SUGCT: variants seen among roughly 807,000 people sequenced by gnomAD.
SUGCT encodes the protein succinyl-CoA:glutarate CoA-transferase.
In SUGCT, 41 loss-of-function variants were observed where a neutral mutation model predicts 55.0. The ratio of observed to expected loss-of-function variants is 0.74; its 90% CI spans 0.58 to 0.97. The LOEUF is 0.97. Among genes scored for constraint, SUGCT ranks in the 50% least tolerant of loss-of-function variants. SUGCT has a pLI of 0.00. For missense variants in SUGCT, 568 were observed against 547.8 expected, an observed-to-expected ratio of 1.04 and a Z score of -0.37; for synonymous variants, 187 against 200.4, an observed-to-expected ratio of 0.93 and a Z score of 0.56.
chr7:40,642,366 G>A (rs986984987), intron 12 of SUGCT, among the ~76,000 whole-genome samples: 1 of 152,148 alleles, frequency 6.6e-6, no homozygotes, highest in Non-Finnish European at 1.5e-5. Flanking sequence ...AAAGTGTTTG[G>A]CAGTTGGTAT....
chr7:40,357,248 T>A (rs1797922231), intron 9 of SUGCT, among the ~76,000 whole-genome samples: 4 of 152,230 alleles, frequency 2.6e-5, no homozygotes, highest in Admixed American at 2.6e-4. Context: ...AGTACCCAAT[T>A]TGGCAGTTAT....
chr7:40,942,520 T>A, the SUGCT span, among the ~76,000 whole-genome samples: 3 of 152,134 alleles, frequency 2.0e-5, no homozygotes, highest in African/African-American at 7.2e-5. Context: ...GTTTAGATAA[T>A]TTGATGACTA....
the SUGCT span, among the ~76,000 whole-genome samples, chr7:40,919,742 T>C: frequency 6.6e-6 from 1 of 152,220 alleles, no homozygotes; most frequent in Non-Finnish European, 1.5e-5. Flanking sequence ...TTTTAGATTG[T>C]TGCTAGAAGG....
intron 1 of SUGCT, among the ~76,000 whole-genome samples, chr7:40,148,362 TGGCCG>T (rs908928114): frequency 6.6e-6 from 1 of 152,144 alleles, no homozygotes; most frequent in African/African-American, 2.4e-5. Context: ...AGGTAAAACC[TGGCCG>T]GGCGCGGTGG....
At chr7:40,708,052 G>A (rs1785512814) in intron 12 of SUGCT, among the ~76,000 whole-genome samples, 1 of 152,170 alleles carries the variant, frequency 6.6e-6, no homozygotes, top group Non-Finnish European at 1.5e-5. Context: ...ATGAAATAGA[G>A]ATAAGTCATT....
intron 9 of SUGCT, among the ~76,000 whole-genome samples, chr7:40,389,058 A>C (rs1340281163): frequency 6.6e-6 from 1 of 152,180 alleles, no homozygotes; most frequent in Non-Finnish European, 1.5e-5. Flanking sequence ...TTCTCTTTGT[A>C]AGAAAGAGTA....
intron 12 of SUGCT, among the ~76,000 whole-genome samples, chr7:40,718,044 A>G (rs1171688029): frequency 2.0e-5 from 3 of 152,204 alleles, no homozygotes; most frequent in Non-Finnish European, 2.9e-5. Flanking sequence ...AGATTGACAC[A>G]GTAAAGGGAG....
At chr7:40,794,962 C>T (rs1464076071) in intron 13 of SUGCT, among the ~76,000 whole-genome samples, 3 of 152,046 alleles carry the variant, frequency 2.0e-5, no homozygotes, top group Non-Finnish European at 2.9e-5. Flanking sequence ...TAATAAACAT[C>T]TTTTTCAATA....
At chr7:40,935,457 T>G in the SUGCT span, among the ~76,000 whole-genome samples, 1 of 152,214 alleles carries the variant, frequency 6.6e-6, no homozygotes, top group Non-Finnish European at 1.5e-5. Flanking sequence ...ATTTTTATGT[T>G]TATGGCTTTG....
chr7:41,028,143 G>A, the SUGCT span, among the ~76,000 whole-genome samples: 1 of 152,206 alleles, frequency 6.6e-6, no homozygotes, highest in Admixed American at 6.5e-5. Flanking sequence ...TCCAGCGTCT[G>A]GTCCCTACAT....
chr7:40,359,146 C>CATGT (rs1454544444), intron 9 of SUGCT, among the ~76,000 whole-genome samples: 3 of 152,018 alleles, frequency 2.0e-5, no homozygotes, highest in Non-Finnish European at 4.4e-5. Flanking sequence ...TATGTTCTGT[C>CATGT]ATGTATGTAT....
At chr7:40,365,751 A>G (rs1317199027) in intron 9 of SUGCT, among the ~76,000 whole-genome samples, 1 of 152,140 alleles carries the variant, frequency 6.6e-6, no homozygotes, top group African/African-American at 2.4e-5. Flanking sequence ...CCACTGCTCA[A>G]TGAAATAAAA....
intron 12 of SUGCT, among the ~76,000 whole-genome samples, chr7:40,740,424 G>A (rs1787399523): frequency 6.6e-6 from 1 of 150,380 alleles, no homozygotes; most frequent in African/African-American, 2.4e-5. Context: ...TTTCCAATCT[G>A]TGTGCCTTTT....
chr7:40,634,467 G>T (rs1177557008), intron 12 of SUGCT, among the ~76,000 whole-genome samples: 2 of 152,176 alleles, frequency 1.3e-5, no homozygotes, highest in African/African-American at 4.8e-5. Flanking sequence ...ACAGGAACTG[G>T]AACTATGATT....
chr7:40,206,772 A>G (rs1786999279), intron 6 of SUGCT, among the ~76,000 whole-genome samples: 1 of 152,228 alleles, frequency 6.6e-6, no homozygotes, highest in South Asian at 2.1e-4. Flanking sequence ...TTTAGGAAGT[A>G]ATGACAAGAA....
At chr7:40,491,758 A>G (rs1791696217) in intron 11 of SUGCT, among the ~76,000 whole-genome samples, 1 of 152,150 alleles carries the variant, frequency 6.6e-6, no homozygotes, top group Admixed American at 6.5e-5. Flanking sequence ...TGGGAGGCCA[A>G]GGCAGGAGGA....
chr7:40,562,247 C>T (rs1235205828), intron 12 of SUGCT, among the ~76,000 whole-genome samples: 2 of 148,380 alleles, frequency 1.3e-5, no homozygotes, highest in Admixed American at 1.4e-4. Context: ...TGCAGTGAGT[C>T]GAGATCGCGT....
Position 40,447,687 on chromosome 7 carries a change from A to G in SUGCT, c.817-1600A>G, listed in dbSNP as rs536836111. On this transcript the variant is annotated intron_variant, in intron 9 of 13. Transcript: ENST00000335693. ...TGGAGAACTGAGCCTATATGTAGGCAGAAGAGAAGGATTCAGTGGAAATGA... is the reference window on the plus strand; with the variant it reads ...TGGAGAACTGAGCCTATATGTAGGCGGAAGAGAAGGATTCAGTGGAAATGA... Among the ~76,000 whole-genome samples, 9 of 152,288 alleles carry G rather than the reference A, an allele frequency of 5.9e-5. No homozygotes were observed. In the South Asian group the frequency reaches 1.5e-3, roughly 25 times the overall value.
intron 9 of SUGCT, among the ~76,000 whole-genome samples, chr7:40,333,698 TATATAA>T (rs1273294050): frequency 7.5e-4 from 86 of 114,506 alleles, no homozygotes; most frequent in Non-Finnish European, 1.4e-3. Flanking sequence ...TATATATATA[TATATAA>T]ATATTTATAA....
Sources: gnomAD v4.1 joint callset for allele counts (sites outside exome capture counted in the v4.1 genomes callset) on GRCh38, gnomAD v4.1.1 for gene constraint, MANE v1.5 for transcripts, NCBI Gene and HGNC (gene_info 2026-07-23, HGNC 2026-07-21) for gene names.